Variants in GBP3 observed in about 807,000 individuals in gnomAD.
GBP3 encodes guanylate binding protein 3, also known as guanylate-binding protein 3.
Under a neutral mutation model 62.4 loss-of-function variants are expected in GBP3, and 55 were observed. The ratio of observed to expected loss-of-function variants is 0.88; its 90% CI spans 0.71 to 1.10. The LOEUF is 1.10. Ranked by LOEUF, GBP3 falls within the 50% of genes least tolerant of loss-of-function variation. The pLI is 0.00. For synonymous variants in GBP3, 208 were observed against 259.2 expected (o/e 0.80, Z 1.90); for missense variants, 605 against 690.6 (o/e 0.88, Z 1.39).
rs1270268493 is a variant in GBP3 at position 89,007,925 on chromosome 1, T to A, written c.1660-73A>T. The stretch of plus-strand genomic sequence containing the variant: ...CTCTGTAAGCTATCTAGTTTCCACA[T>A]GCATTGATTTATTTAGTACTTAGTT... On this transcript the variant is annotated intron_variant, in intron 10 of 10. Coordinates refer to ENST00000370481, the MANE Select transcript of GBP3 (RefSeq NM_018284.3). 7 of 1,393,672 alleles carry A rather than the reference T, an allele frequency of 5.0e-6. No individual in the cohort carries two copies. The East Asian group carries it at 1.4e-4, about 28-fold the overall frequency. 86.3% of individuals were successfully genotyped at this position (1,393,672 alleles called of 1,614,324 possible).
At chr1:89,022,071 A>G (rs1453151215) in intron 1 of GBP3, among the ~76,000 whole-genome samples, 2 of 152,164 alleles carry the variant, frequency 1.3e-5, no homozygotes, top group African/African-American at 2.4e-5. Flanking sequence ...AAAAGAAGAA[A>G]AAAAAGGAGA....
At chr1:89,012,115 T>C in intron 6 of GBP3, 88 bp from the exon 7 acceptor site, 1 of 1,238,902 alleles carries the variant, frequency 8.1e-7, no homozygotes, top group East Asian at 2.6e-5. Context: ...TTTCCACCTA[T>C]TTTCCTCACA....
At chr1:89,014,328 C>T (rs1381715523) in intron 4 of GBP3, 49 bp from the exon 5 acceptor site, 13 of 1,613,144 alleles carry the variant, frequency 8.1e-6, no homozygotes, top group Non-Finnish European at 1.1e-5. Context: ...GAACCTCATC[C>T]CATATTAGTT....
chr1:89,011,153 G>A (rs995311329), intron 7 of GBP3, 37 bp from the exon 8 acceptor site: 1 of 1,459,998 alleles, frequency 6.8e-7, no homozygotes, highest in South Asian at 1.2e-5. Context: ...AGAGTAACAG[G>A]GAAAGGATGT....
At position 89,014,102 on chromosome 1, in the gene GBP3, A is replaced by G; in HGVS notation, c.606T>C (p.Tyr202=). ...TGTTACCTTGCGTTAGCTTCAGGGA[A>G]TACTCCAGGTACTCATCTGGTGTGA... is the stretch of plus-strand genomic sequence containing the variant. ...QPLTPDEYLE[Y]SLKLTQGTSQ... Residue 202 remains tyrosine, a synonymous_variant, in exon 5 of 11, where the codon TAT becomes TAC. Transcript: ENST00000370481. The G allele has an allele frequency of 6.2e-7, 1 of 1,614,184 alleles. No individual in the cohort carries two copies. The highest frequency in any genetic ancestry group is 1.1e-5 in the South Asian group (1 of 91,092).
Position 89,011,907 on chromosome 1 carries a change from A to AAT in GBP3, c.988_989insAT (p.Ile330AsnfsTer39), listed in dbSNP as rs1169916194. 2.7e-6 allele frequency: 4 copies of AAT among 1,462,270 alleles called. No individual in the cohort carries two copies. The African/African-American group carries it at 5.4e-5, about 20-fold the overall frequency. 90.6% of individuals were successfully genotyped at this position (1,462,270 alleles called of 1,614,324 possible). A position where few individuals can be genotyped will look rare whatever the true frequency, so the allele number is the denominator to read the frequency against. ...GCCCATCTGCTGGTCATAGTGGGCA[A>AAT]TAGCCTTTTGCACTGCGGCTGAGTT... On this transcript the variant is annotated frameshift_variant, in exon 7 of 11. Transcript: ENST00000370481. LOFTEE classifies it high-confidence loss of function.
chr1:89,008,897 G>A (rs773962933), intron 10 of GBP3, 50 bp downstream of exon 10: 1 of 1,613,244 alleles, frequency 6.2e-7, no homozygotes, highest in Admixed American at 1.7e-5. Context: ...TGATCAGGAA[G>A]AACAGAGAGA....
chr1:89,010,703 AC>A (rs2101134729), intron 8 of GBP3, among the ~76,000 whole-genome samples, 200 bp downstream of exon 8: 1 of 138,494 alleles, frequency 7.2e-6, no homozygotes, highest in Admixed American at 7.5e-5. Context: ...GAGCCACCGC[AC>A]CCGCCGACTG....
chr1:89,017,364 G>GT (rs961673734), intron 2 of GBP3, among the ~76,000 whole-genome samples: 1 of 148,808 alleles, frequency 6.7e-6, no homozygotes, highest in African/African-American at 2.5e-5. Flanking sequence ...AATCCAAAAC[G>GT]TAACTCAAAA....
Position 89,015,270 on chromosome 1 carries a change from GA to G in GBP3, c.318+16del. Reference sequence around the variant, plus strand: ...GAGATGAGGGGCTTATTTCAAAATTGAATCTTTGACCCTTACCTTCTTTACA... The same window carrying G: ...GAGATGAGGGGCTTATTTCAAAATTGATCTTTGACCCTTACCTTCTTTACA... On this transcript the variant is annotated intron_variant, in intron 3 of 10. Transcript: ENST00000370481. The G allele has an allele frequency of 1.3e-6, 2 of 1,573,622 alleles. No individual in the cohort carries two copies. Among genetic ancestry groups the G allele is most frequent in the Non-Finnish European group, 1.7e-6 (2 of 1,164,022 alleles).
intron 2 of GBP3, among the ~76,000 whole-genome samples, chr1:89,018,778 TTAA>T (rs1167230257): frequency 6.6e-6 from 1 of 152,140 alleles, no homozygotes; most frequent in Non-Finnish European, 1.5e-5. Flanking sequence ...CTCACTAAAC[TTAA>T]TAATAAATGC....
At chr1:89,021,922 A>C (rs907053062) in intron 1 of GBP3, among the ~76,000 whole-genome samples, 1 of 151,616 alleles carries the variant, frequency 6.6e-6, no homozygotes, top group African/African-American at 2.4e-5. Flanking sequence ...AGAAGGTGGG[A>C]TCTAAGTCGT....
Position 89,011,828 on chromosome 1 carries a change from C to T in GBP3, c.1068G>A (p.Arg356=). The change falls in exon 7 of 11, where the codon AGG becomes AGA. Residue 356 remains arginine, a synonymous_variant. Transcript: ENST00000370481. ...ETLQELLDLH[R]VSEREATEVY... ...CTTCAGTGGCCTCCCTCTCACTAAC[C>T]CTGTGCAGGTCCAGCAGCTCCTGGA... is the stretch of plus-strand genomic sequence containing the variant. 6.8e-7 allele frequency: 1 copy of T among 1,462,086 alleles called. No individual in the cohort carries two copies. The highest frequency in any genetic ancestry group is 1.4e-5 in the African/African-American group (1 of 73,964). 90.6% of individuals were successfully genotyped at this position (1,462,086 alleles called of 1,614,324 possible). A position where few individuals can be genotyped will look rare whatever the true frequency, so the allele number is the denominator to read the frequency against.
chr1:89,014,082 C>A lies in GBP3; in HGVS notation c.625+1G>T, dbSNP rs767150621. The A allele has an allele frequency of 6.2e-7, 1 of 1,613,984 alleles. No homozygotes were observed. On this transcript the variant is annotated splice_donor_variant, in intron 5 of 10. Coordinates refer to ENST00000370481, the MANE Select transcript of GBP3 (RefSeq NM_018284.3). LOFTEE classifies it high-confidence loss of function. ...ATTTATCAATGGTACGTCTCTGTTA[C>A]CTTGCGTTAGCTTCAGGGAATACTC...
chr1:89,009,325 A>C, intron 9 of GBP3, 67 bp downstream of exon 9: 1 of 1,533,172 alleles, frequency 6.5e-7, no homozygotes, highest in Admixed American at 1.9e-5. Context: ...TAAAATTTTA[A>C]AATTTGAAAA....
In GBP3 at chr1:89,013,210, T is replaced by C. The variant is rs757702853; in HGVS notation, c.843A>G (p.Ser281=). 1.8e-5 allele frequency: 29 copies of C among 1,614,154 alleles called. No individual in the cohort carries two copies. Among genetic ancestry groups the C allele is most frequent in the Non-Finnish European group, 2.4e-5 (28 of 1,179,982 alleles). The part of the protein sequence containing the change: ...IFSNSKTKTL[S]GGIKVNGPRL... ...GAGGCCCATTGACCTTGATGCCTCC[T>C]GAAAGAGTTTTAGTTTTGGAATTGC... Residue 281 remains serine, a synonymous_variant, in exon 6 of 11, where the codon TCA becomes TCG. Transcript: ENST00000370481.
intron 10 of GBP3, chr1:89,008,728 A>G: frequency 1.3e-6 from 1 of 777,230 alleles, no homozygotes; most frequent in Non-Finnish European, 2.0e-6. Flanking sequence ...GGAAGGATAC[A>G]CTAAAACGGG....
rs113372144 is a variant in GBP3, at chr1:89,013,160, T to C, written c.868+25A>G. 1,184 of 1,605,508 alleles carry C rather than the reference T, an allele frequency of 7.4e-4. 4 individuals are homozygous for C. The African/African-American group carries it at 0.013, about 18-fold the overall frequency. Reference sequence around the variant, plus strand: ...GCCATCCTTTAGTTTTAACAATGAGTGGAAGTACTACGAAGGGGACTTACG... The same window carrying C: ...GCCATCCTTTAGTTTTAACAATGAGCGGAAGTACTACGAAGGGGACTTACG... On this transcript the variant is annotated intron_variant, in intron 6 of 10. Transcript: ENST00000370481.
At chr1:89,021,895 T>C (rs1426724796) in intron 1 of GBP3, among the ~76,000 whole-genome samples, 2 of 148,302 alleles carry the variant, frequency 1.3e-5, no homozygotes, top group Non-Finnish European at 3.0e-5. Context: ...GCCAAGGAAT[T>C]CAGGGGAGGA....
Sources: gnomAD v4.1 joint callset for allele counts (sites outside exome capture counted in the v4.1 genomes callset) on GRCh38, gnomAD v4.1.1 for gene constraint, MANE v1.5 for transcripts, NCBI Gene and HGNC (gene_info 2026-07-23, HGNC 2026-07-21) for gene names.